HS3ST4: variants seen among roughly 807,000 people sequenced by gnomAD.
HS3ST4 encodes the protein heparan sulfate-glucosamine 3-sulfotransferase 4, also known as heparan sulfate glucosamine 3-O-sulfotransferase 4.
Under a neutral mutation model 29.2 loss-of-function variants are expected in HS3ST4, and 17 were observed. The observed-to-expected ratio is 0.58, with a 90% CI of 0.40 to 0.87. The LOEUF (loss-of-function observed/expected upper bound fraction) is 0.87. Among genes scored for constraint, HS3ST4 ranks in the 40% least tolerant of loss-of-function variants. The pLI, the probability that HS3ST4 is intolerant of heterozygous loss-of-function variation, is 0.00. For synonymous variants in HS3ST4, 314 were observed against 285.7 expected (o/e 1.10, Z -1.00); for missense variants, 627 against 634.5 (o/e 0.99, Z 0.13).
At chr16:25,881,190 TC>T (rs1484501821) in intron 1 of HS3ST4, among the ~76,000 whole-genome samples, 1 of 152,182 alleles carries the variant, frequency 6.6e-6, no homozygotes, top group Non-Finnish European at 1.5e-5. Context: ...GTAGGCAAAT[TC>T]ATCTAAACCA....
chr16:25,748,978 A>G (rs1966701701), intron 1 of HS3ST4, among the ~76,000 whole-genome samples: 1 of 152,216 alleles, frequency 6.6e-6, no homozygotes, highest in Admixed American at 6.5e-5. Flanking sequence ...GGGGATTATG[A>G]AGACTGGACA....
intron 1 of HS3ST4, among the ~76,000 whole-genome samples, chr16:26,050,296 GTCTC>G (rs1440827045): frequency 6.6e-6 from 1 of 151,142 alleles, no homozygotes; most frequent in South Asian, 2.1e-4. Flanking sequence ...CTCTCTCTCT[GTCTC>G]TCTCTCTCTC....
At chr16:25,869,176 A>C (rs188860407) in intron 1 of HS3ST4, among the ~76,000 whole-genome samples, 1 of 152,224 alleles carries the variant, frequency 6.6e-6, no homozygotes, top group African/African-American at 2.4e-5. Flanking sequence ...TTGGCATCCA[A>C]GTCATAGCCT....
At chr16:25,787,329 C>T (rs1161897181) in intron 1 of HS3ST4, among the ~76,000 whole-genome samples, 3 of 152,304 alleles carry the variant, frequency 2.0e-5, no homozygotes, top group African/African-American at 7.2e-5. Flanking sequence ...AAAATCAGAG[C>T]TGAGGAAGTG....
intron 1 of HS3ST4, among the ~76,000 whole-genome samples, chr16:25,971,198 A>T (rs1321581519): frequency 6.6e-6 from 1 of 152,064 alleles, no homozygotes; most frequent in Non-Finnish European, 1.5e-5. Context: ...GGTGCTGGAG[A>T]TATGAAAATA....
chr16:25,892,750 C>T (rs949238784), intron 1 of HS3ST4, among the ~76,000 whole-genome samples: 12 of 152,156 alleles, frequency 7.9e-5, no homozygotes, highest in Admixed American at 6.5e-4. Flanking sequence ...AGCCATTACC[C>T]GCCCTCCTTT....
intron 1 of HS3ST4, among the ~76,000 whole-genome samples, chr16:25,922,385 GTGA>G: frequency 6.6e-6 from 1 of 152,286 alleles, no homozygotes; most frequent in South Asian, 2.1e-4. Context: ...AACATCATTT[GTGA>G]ACCAGTAAAT....
intron 1 of HS3ST4, among the ~76,000 whole-genome samples, chr16:25,908,896 G>A (rs1968206859): frequency 6.6e-6 from 1 of 152,176 alleles, no homozygotes; most frequent in Non-Finnish European, 1.5e-5. Context: ...AAGTTTTAAG[G>A]GAGAAAACGA....
intron 1 of HS3ST4, among the ~76,000 whole-genome samples, chr16:25,893,855 G>A (rs1968034252): frequency 6.6e-6 from 1 of 152,140 alleles, no homozygotes; most frequent in South Asian, 2.1e-4. Flanking sequence ...TCCCATCCCC[G>A]TTTAGGATAT....
At chr16:25,852,046 T>C (rs1405121067) in intron 1 of HS3ST4, among the ~76,000 whole-genome samples, 2 of 152,094 alleles carry the variant, frequency 1.3e-5, no homozygotes, top group Non-Finnish European at 2.9e-5. Flanking sequence ...ATAGAGGAAG[T>C]AAAGGACCCA....
chr16:25,811,768 A>G (rs1967044849), intron 1 of HS3ST4, among the ~76,000 whole-genome samples: 1 of 152,174 alleles, frequency 6.6e-6, no homozygotes, highest in Non-Finnish European at 1.5e-5. Context: ...ACTTTATTGT[A>G]AGAATACAAT....
At chr16:25,768,371 C>G (rs532504222) in intron 1 of HS3ST4, among the ~76,000 whole-genome samples, 2 of 152,326 alleles carry the variant, frequency 1.3e-5, no homozygotes, top group South Asian at 4.1e-4. Flanking sequence ...AGTAGGGCAT[C>G]TGCATTAGAT....
chr16:25,896,854 G>T (rs533786858), intron 1 of HS3ST4, among the ~76,000 whole-genome samples: 1 of 152,208 alleles, frequency 6.6e-6, no homozygotes, highest in African/African-American at 2.4e-5. Flanking sequence ...TGCAGCAACA[G>T]GGATGCAGCT....
intron 1 of HS3ST4, among the ~76,000 whole-genome samples, chr16:25,835,667 G>A (rs12232423): frequency 0.11 from 16,858 of 152,144 alleles, 1,206 homozygotes; most frequent in African/African-American, 0.2. Context: ...CCAGTAAGTG[G>A]AGAAGTCAGA....
chr16:25,969,977 C>A (rs561570200), intron 1 of HS3ST4, among the ~76,000 whole-genome samples: 2 of 152,304 alleles, frequency 1.3e-5, no homozygotes, highest in South Asian at 2.1e-4. Context: ...GAATGCTGCT[C>A]CTAGTGCCTA....
At chr16:25,768,256 G>A (rs1273577031) in intron 1 of HS3ST4, among the ~76,000 whole-genome samples, 1 of 152,158 alleles carries the variant, frequency 6.6e-6, no homozygotes, top group Non-Finnish European at 1.5e-5. Flanking sequence ...ATTCATCAGT[G>A]CATACCCTTC....
chr16:26,023,899 A>G (rs999169245), intron 1 of HS3ST4, among the ~76,000 whole-genome samples: 1 of 152,126 alleles, frequency 6.6e-6, no homozygotes, highest in Non-Finnish European at 1.5e-5. Context: ...CCTCATCAGA[A>G]AATGCTTCCT....
At chr16:25,729,204 T>G (rs527272296) in intron 1 of HS3ST4, among the ~76,000 whole-genome samples, 81 of 152,034 alleles carry the variant, frequency 5.3e-4, no homozygotes, top group Middle Eastern at 3.4e-3. Flanking sequence ...AGAAATCCAG[T>G]GGGGAATAGT....
intron 1 of HS3ST4, among the ~76,000 whole-genome samples, chr16:26,097,999 G>A (rs1159835710): frequency 6.6e-6 from 1 of 152,148 alleles, no homozygotes; most frequent in Non-Finnish European, 1.5e-5. Flanking sequence ...ATCATCACTG[G>A]TCATCAGAGA....
Sources: gnomAD v4.1 joint callset for allele counts (sites outside exome capture counted in the v4.1 genomes callset) on GRCh38, gnomAD v4.1.1 for gene constraint, MANE v1.5 for transcripts, NCBI Gene and HGNC (gene_info 2026-07-23, HGNC 2026-07-21) for gene names.